The following TRPM3 variants were observed in gnomAD, a reference collection of about 807,000 sequenced individuals.
The protein encoded by TRPM3 is long transient receptor potential channel 3.
In TRPM3, 77 loss-of-function variants were observed where a neutral mutation model predicts 181.2. The ratio of observed to expected loss-of-function variants is 0.42; its 90% CI spans 0.35 to 0.51. The LOEUF (loss-of-function observed/expected upper bound fraction) is 0.51, where lower values mean the gene tolerates loss of function less well. Ranked by LOEUF, TRPM3 falls within the 20% of genes least tolerant of loss-of-function variation. The pLI is 0.01. For synonymous variants in TRPM3, 745 were observed against 796.4 expected, an observed-to-expected ratio of 0.94 and a Z score of 1.09; for missense variants, 1,759 against 2,196.7, an observed-to-expected ratio of 0.80 and a Z score of 3.98.
At chr9:71,299,083 T>C (rs986445583) in intron 1 of TRPM3, among the ~76,000 whole-genome samples, 1 of 152,168 alleles carries the variant, frequency 6.6e-6, no homozygotes, top group East Asian at 1.9e-4. Context: ...AACTTTCTAG[T>C]GCACACCTTC....
At chr9:71,177,623 T>A (rs71483597) in intron 1 of TRPM3, among the ~76,000 whole-genome samples, 61,152 of 152,098 alleles carry the variant, frequency 0.4, 12,617 homozygotes, top group East Asian at 0.52. Context: ...GTCATTCATG[T>A]ATTAGGAAAA....
chr9:70,629,214 C>CAGGGGG (rs749123989), intron 12 of TRPM3, among the ~76,000 whole-genome samples: 2 of 19,672 alleles, frequency 1.0e-4, no homozygotes, highest in Non-Finnish European at 2.2e-4. Flanking sequence ...GTGACCAGTG[C>CAGGGGG]CGGGGGGGGG....
intron 1 of TRPM3, among the ~76,000 whole-genome samples, chr9:71,361,790 C>A (rs1037353806): frequency 5.3e-5 from 8 of 152,136 alleles, no homozygotes; most frequent in African/African-American, 1.9e-4. Flanking sequence ...ACTGTAATTT[C>A]CACCAAAAAG....
chr9:71,126,828 G>C (rs904321463), intron 1 of TRPM3, among the ~76,000 whole-genome samples: 7 of 152,184 alleles, frequency 4.6e-5, no homozygotes, highest in Non-Finnish European at 8.8e-5. Context: ...GACAGAGAGT[G>C]GGTGAGTTTT....
intron 1 of TRPM3, among the ~76,000 whole-genome samples, chr9:70,973,609 T>G (rs934417272): frequency 1.3e-5 from 2 of 152,182 alleles, no homozygotes; most frequent in African/African-American, 4.8e-5. Flanking sequence ...TCTTCCCAAC[T>G]CCATGTTGTG....
At chr9:70,915,540 T>C (rs1242717341) in intron 1 of TRPM3, among the ~76,000 whole-genome samples, 2 of 151,664 alleles carry the variant, frequency 1.3e-5, no homozygotes, top group East Asian at 2.0e-4. Flanking sequence ...CTCCTGACTT[T>C]GTGATCTGCC....
intron 1 of TRPM3, among the ~76,000 whole-genome samples, chr9:71,227,028 G>T (rs899152794): frequency 6.9e-6 from 1 of 145,456 alleles, no homozygotes; most frequent in African/African-American, 2.6e-5. Context: ...AGAATTGTTT[G>T]AACCTGGGAG....
At chr9:70,970,846 T>C (rs1369601362) in intron 1 of TRPM3, among the ~76,000 whole-genome samples, 1 of 152,132 alleles carries the variant, frequency 6.6e-6, no homozygotes, top group Non-Finnish European at 1.5e-5. Flanking sequence ...AAAGAGAATG[T>C]TTGAAGAATG....
chr9:70,638,505 T>G (rs937623225), intron 11 of TRPM3, among the ~76,000 whole-genome samples: 8 of 152,182 alleles, frequency 5.3e-5, no homozygotes, highest in African/African-American at 1.9e-4. Context: ...TACCTATGAT[T>G]ACTCCTTGGT....
chr9:71,228,512 A>G (rs2080840573), intron 1 of TRPM3, among the ~76,000 whole-genome samples: 1 of 152,196 alleles, frequency 6.6e-6, no homozygotes, highest in Non-Finnish European at 1.5e-5. Flanking sequence ...GGGTATCCAA[A>G]TTGGAAAGGA....
At chr9:70,772,704 G>A (rs1321126156) in intron 7 of TRPM3, among the ~76,000 whole-genome samples, 1 of 152,230 alleles carries the variant, frequency 6.6e-6, no homozygotes, top group African/African-American at 2.4e-5. Context: ...GCAGGGACAA[G>A]TGGGACATTT....
At chr9:71,169,237 G>T (rs977991621) in intron 1 of TRPM3, among the ~76,000 whole-genome samples, 21 of 152,194 alleles carry the variant, frequency 1.4e-4, no homozygotes, top group South Asian at 1.0e-3. Flanking sequence ...TTGTTTACAG[G>T]CAGTATGTAT....
At chr9:70,791,494 T>C (rs1385155760) in intron 6 of TRPM3, among the ~76,000 whole-genome samples, 4 of 152,334 alleles carry the variant, frequency 2.6e-5, no homozygotes, top group East Asian at 3.9e-4. Flanking sequence ...TTCTTAAATG[T>C]CTTTTTCTCT....
At chr9:70,602,068 G>A (rs566378653) in intron 20 of TRPM3, among the ~76,000 whole-genome samples, 42 of 148,388 alleles carry the variant, frequency 2.8e-4, no homozygotes, top group African/African-American at 9.9e-4. Context: ...TGGGAAGACC[G>A]AAGTGCAGAC....
chr9:71,105,284 G>A (rs1230165630), intron 1 of TRPM3, among the ~76,000 whole-genome samples: 2 of 152,164 alleles, frequency 1.3e-5, no homozygotes, highest in African/African-American at 2.4e-5. Flanking sequence ...TTAATGTGAT[G>A]GCCAATCAGA....
chr9:70,682,873 A>G (rs2065821965), intron 8 of TRPM3, among the ~76,000 whole-genome samples: 1 of 152,216 alleles, frequency 6.6e-6, no homozygotes, highest in Non-Finnish European at 1.5e-5. Context: ...TTCCAACTAC[A>G]TAGGAAGTAA....
chr9:71,384,904 G>GAATGAATTT (rs1428286562), intron 1 of TRPM3, among the ~76,000 whole-genome samples: 14 of 152,072 alleles, frequency 9.2e-5, no homozygotes, highest in Non-Finnish European at 7.4e-5. Context: ...TCATTCTTCA[G>GAATGAATTT]TTAATAAAAA....
intron 9 of TRPM3, among the ~76,000 whole-genome samples, chr9:70,675,079 AATTTC>A (rs2063737584): frequency 6.6e-6 from 1 of 151,844 alleles, no homozygotes; most frequent in Non-Finnish European, 1.5e-5. Context: ...TTTCAATTTC[AATTTC>A]ATTTCATTTT....
At chr9:71,060,956 A>T (rs926719186) in intron 1 of TRPM3, among the ~76,000 whole-genome samples, 11 of 152,084 alleles carry the variant, frequency 7.2e-5, no homozygotes, top group African/African-American at 2.4e-4. Context: ...AATGCTGAGG[A>T]GGAGAAAAGC....
Sources: allele counts gnomAD v4.1 joint callset (sites outside exome capture counted in the v4.1 genomes callset), GRCh38; gene constraint gnomAD v4.1.1; transcripts MANE v1.5; gene names NCBI Gene and HGNC (gene_info 2026-07-23, HGNC 2026-07-21).